Variants in ACSS1 observed in about 807,000 individuals in gnomAD.
ACSS1 encodes acetyl-coenzyme A synthetase 2-like, mitochondrial.
In ACSS1, 42 loss-of-function variants were observed where a neutral mutation model predicts 75.3. That is an observed-to-expected ratio of 0.56 (90% CI 0.44 to 0.72). ACSS1 has a LOEUF of 0.72. Among genes scored for constraint, ACSS1 ranks in the 30% least tolerant of loss-of-function variants. The pLI is 0.00. For synonymous variants in ACSS1, 380 were observed against 376.8 expected, an observed-to-expected ratio of 1.01 and a Z score of -0.10; for missense variants, 782 against 935.7, an observed-to-expected ratio of 0.84 and a Z score of 2.14.
chr20:25,038,879 C>G (rs889424761), intron 2 of ACSS1, among the ~76,000 whole-genome samples: 5 of 152,194 alleles, frequency 3.3e-5, no homozygotes, highest in Non-Finnish European at 7.4e-5. Context: ...TCACTGCCCC[C>G]CTGCTGGCTA....
intron 13 of ACSS1, among the ~76,000 whole-genome samples, chr20:25,008,794 G>T (rs2088355552): frequency 6.6e-6 from 1 of 152,196 alleles, no homozygotes; most frequent in Non-Finnish European, 1.5e-5. Context: ...AAATCCCTAA[G>T]GTTCTTCACC....
chr20:25,048,681 C>G (rs961719323), intron 1 of ACSS1, among the ~76,000 whole-genome samples: 1 of 152,234 alleles, frequency 6.6e-6, no homozygotes, highest in Admixed American at 6.5e-5. Flanking sequence ...GGGACGAGGA[C>G]CCAACTCCCC....
intron 3 of ACSS1, among the ~76,000 whole-genome samples, chr20:25,027,417 G>T (rs1236975557): frequency 6.6e-6 from 1 of 152,114 alleles, no homozygotes; most frequent in African/African-American, 2.4e-5. Flanking sequence ...ACTGTATCCA[G>T]CAGCATATTA....
chr20:25,047,176 C>T (rs1284261006), intron 2 of ACSS1, among the ~76,000 whole-genome samples: 2 of 152,224 alleles, frequency 1.3e-5, no homozygotes, highest in Non-Finnish European at 2.9e-5. Context: ...CCCCAGGTCA[C>T]CCGAGTGGCA....
chr20:25,041,033 T>C (rs867390221), intron 2 of ACSS1, among the ~76,000 whole-genome samples: 2 of 151,986 alleles, frequency 1.3e-5, no homozygotes, highest in South Asian at 2.1e-4. Context: ...CCAAGGCGGG[T>C]GGATCACGAA....
chr20:25,023,212 C>A, intron 4 of ACSS1, 120 bp from the exon 5 acceptor site: 1 of 1,315,810 alleles, frequency 7.6e-7, no homozygotes, highest in South Asian at 1.5e-5. Flanking sequence ...CTGACCTGTC[C>A]AAGTTCAATT....
intron 6 of ACSS1, 132 bp from the exon 7 acceptor site, chr20:25,020,279 C>T: frequency 8.0e-7 from 1 of 1,254,492 alleles, no homozygotes; most frequent in Non-Finnish European, 1.1e-6. Flanking sequence ...GGGATCCCCC[C>T]AACCCCCCAC....
intron 6 of ACSS1, among the ~76,000 whole-genome samples, chr20:25,021,089 T>C (rs2088615546): frequency 6.6e-6 from 1 of 152,010 alleles, no homozygotes; most frequent in South Asian, 2.1e-4. Flanking sequence ...AGCCTAGAGG[T>C]GAGAAGGATG....
Position 25,057,977 on chromosome 20 carries a change from C to A in ACSS1, c.126G>T (p.Ser42=), listed in dbSNP as rs1402759299. Residue 42 remains serine, a synonymous_variant, in exon 1 of 14, where the codon TCG becomes TCT. Coordinates refer to ENST00000323482, the MANE Select transcript of ACSS1 (RefSeq NM_032501.4). ...SAPRRAASGP[S]GSAPAVAAAA... is the part of the protein sequence containing the mutation. The stretch of plus-strand genomic sequence containing the variant: ...CTGCTGCAACTGCGGGAGCGCTGCC[C>A]GAGGGTCCCGAGGCCGCCCTGCGCG... 6.4e-7 allele frequency: 1 copy of A among 1,556,470 alleles called. No homozygotes were observed. The highest frequency in any genetic ancestry group is 8.7e-7 in the Non-Finnish European group (1 of 1,153,016).
chr20:25,014,590 A>T (rs2088482721), intron 8 of ACSS1, among the ~76,000 whole-genome samples: 1 of 152,168 alleles, frequency 6.6e-6, no homozygotes, highest in Non-Finnish European at 1.5e-5. Flanking sequence ...GAGCCCTCAG[A>T]TAGTTACATT....
chr20:25,026,873 G>A (rs1279787832), intron 3 of ACSS1, among the ~76,000 whole-genome samples: 3 of 152,196 alleles, frequency 2.0e-5, no homozygotes, highest in African/African-American at 7.2e-5. Flanking sequence ...ATGCTTGGTT[G>A]TTTAGGAATT....
chr20:25,019,723 G>A (rs547149906), intron 7 of ACSS1, among the ~76,000 whole-genome samples: 1 of 152,282 alleles, frequency 6.6e-6, no homozygotes, highest in South Asian at 2.1e-4. Context: ...TTATTGAGTG[G>A]GTAAGTATTC....
Position 25,009,589 on chromosome 20 carries a change from T to C in ACSS1, c.1772-201A>G. 4 of 578,028 alleles carry C rather than the reference T, an allele frequency of 6.9e-6. No homozygotes were observed. The South Asian group carries it at 7.9e-5, about 11-fold the overall frequency. 35.8% of individuals were successfully genotyped at this position (578,028 alleles called of 1,614,324 possible). ...GAAAAGTGGCAGCGATTCTAACAGC[T>C]CCACAGATGTTCCAGGTGAGTGCAC... On this transcript the variant is annotated intron_variant, in intron 12 of 13. Transcript: ENST00000323482.
At position 25,007,341 on chromosome 20, in the gene ACSS1, A is replaced by G. The variant is rs952551185; in HGVS notation, c.*421T>C. ...CTGTTCTTCCACAATATAAAAGTAT[A>G]AAAATAAGATTTCTGACCTTTGTAT... On this transcript the variant is annotated 3_prime_UTR_variant, in exon 14 of 14. Coordinates refer to ENST00000323482, the MANE Select transcript of ACSS1 (RefSeq NM_032501.4). The G allele has an allele frequency of 1.0e-5, 11 of 1,072,622 alleles. No homozygotes were observed. In the Admixed American group the frequency reaches 3.8e-4, roughly 37 times the overall value. The allele number at this position is 1,072,622 out of a possible 1,614,324, so 66.4% of individuals were successfully genotyped here.
intron 1 of ACSS1, 57 bp downstream of exon 1, chr20:25,057,712 G>A (rs958123548): frequency 6.8e-7 from 1 of 1,470,672 alleles, no homozygotes; most frequent in Admixed American, 2.1e-5. Context: ...GAGAGGCTCC[G>A]AGTCCCCTCG....
At chr20:25,041,257 C>CAAAAA (rs11474894) in intron 2 of ACSS1, among the ~76,000 whole-genome samples, 2 of 117,568 alleles carry the variant, frequency 1.7e-5, no homozygotes, top group Admixed American at 8.5e-5. Flanking sequence ...GACTCCGTCT[C>CAAAAA]AAAAAAAAAA....
chr20:25,015,908 G>A (rs2088507796), intron 7 of ACSS1, among the ~76,000 whole-genome samples: 1 of 152,172 alleles, frequency 6.6e-6, no homozygotes, highest in East Asian at 1.9e-4. Flanking sequence ...GCTTGGGGCA[G>A]AATCTACTAC....
At chr20:25,009,861 C>T (rs1394985357) in intron 12 of ACSS1, 2 of 156,718 alleles carry the variant, frequency 1.3e-5, no homozygotes, top group African/African-American at 4.8e-5. Flanking sequence ...ATCAGCAGCT[C>T]CCTGGCTGCA....
At chr20:25,041,563 G>A (rs944364928) in intron 2 of ACSS1, among the ~76,000 whole-genome samples, 6 of 152,242 alleles carry the variant, frequency 3.9e-5, no homozygotes, top group Non-Finnish European at 7.3e-5. Context: ...GCTGGAATCT[G>A]CACCAGGCAG....
Sources: allele counts gnomAD v4.1 joint callset (sites outside exome capture counted in the v4.1 genomes callset), GRCh38; gene constraint gnomAD v4.1.1; transcripts MANE v1.5; gene names NCBI Gene and HGNC (gene_info 2026-07-23, HGNC 2026-07-21).